KCNH8: variants seen among roughly 807,000 people sequenced by gnomAD.
KCNH8 encodes the protein potassium voltage-gated channel subfamily H member 8, also known as voltage-gated delayed rectifier potassium channel KCNH8.
KCNH8 carries 70 observed loss-of-function variants against 103.6 expected under a neutral mutation model. The ratio of observed to expected loss-of-function variants is 0.68; its 90% CI spans 0.56 to 0.82. KCNH8 has a LOEUF of 0.82. KCNH8 is among the 40% of genes least tolerant of loss of function. The pLI, the probability that KCNH8 is intolerant of heterozygous loss-of-function variation, is 0.00. For missense variants in KCNH8, 1,217 were observed against 1,329.9 expected, an observed-to-expected ratio of 0.92 and a Z score of 1.32; for synonymous variants, 498 against 489.4, an observed-to-expected ratio of 1.02 and a Z score of -0.23.
chr3:19,174,858 ATATTT>A (rs2063382469), intron 1 of KCNH8, among the ~76,000 whole-genome samples: 1 of 152,220 alleles, frequency 6.6e-6, no homozygotes, highest in African/African-American at 2.4e-5. Context: ...CAGAAAAGGA[ATATTT>A]GAGTCCATCC....
rs111725285 is a variant in KCNH8, at chr3:19,253,650, A to C, written c.77-4A>C. ...CTGAGTATCTTCTCCTTGTTTTTCTATAGATAGCAACTTCATCCTTGCCAA... is the reference window on the plus strand; with the variant it reads ...CTGAGTATCTTCTCCTTGTTTTTCTCTAGATAGCAACTTCATCCTTGCCAA... On this transcript the variant is annotated splice_polypyrimidine_tract_variant and splice_region_variant and intron_variant, in intron 1 of 15. Transcript: ENST00000328405. 3 of 1,604,916 alleles carry C rather than the reference A, an allele frequency of 1.9e-6. No homozygotes were observed. The East Asian group carries it at 6.7e-5, about 36-fold the overall frequency.
intron 11 of KCNH8, among the ~76,000 whole-genome samples, chr3:19,463,704 A>AAT (rs1241154366): frequency 6.6e-6 from 1 of 152,066 alleles, no homozygotes; most frequent in African/African-American, 2.4e-5. Context: ...AGTCCATTTA[A>AAT]ATATATATAC....
chr3:19,156,680 T>C (rs1428120472), intron 1 of KCNH8, among the ~76,000 whole-genome samples: 1 of 152,194 alleles, frequency 6.6e-6, no homozygotes, highest in Non-Finnish European at 1.5e-5. Flanking sequence ...ATTTGCTGAC[T>C]GTAGTACTCT....
intron 11 of KCNH8, among the ~76,000 whole-genome samples, chr3:19,504,211 G>A (rs891931688): frequency 2.0e-5 from 3 of 152,208 alleles, no homozygotes; most frequent in Middle Eastern, 3.4e-3. Flanking sequence ...TTAAAGACAT[G>A]TAAAACCCAC....
chr3:19,515,604 A>G (rs555541542), intron 14 of KCNH8, among the ~76,000 whole-genome samples, 176 bp downstream of exon 14: 1 of 151,896 alleles, frequency 6.6e-6, no homozygotes, highest in African/African-American at 2.4e-5. Context: ...CCAAGTTAAG[A>G]TGTCATTTGT....
At chr3:19,339,607 G>C (rs1053656586) in intron 3 of KCNH8, among the ~76,000 whole-genome samples, 1 of 152,026 alleles carries the variant, frequency 6.6e-6, no homozygotes, top group Non-Finnish European at 1.5e-5. Flanking sequence ...TGTCCTTTTT[G>C]ATATTATTCT....
At chr3:19,298,349 A>G (rs1232197782) in intron 3 of KCNH8, among the ~76,000 whole-genome samples, 2 of 152,232 alleles carry the variant, frequency 1.3e-5, no homozygotes, top group Non-Finnish European at 2.9e-5. Context: ...AAGCAGTGTC[A>G]TTCTTATAAC....
At chr3:19,529,745 T>C (rs1017236945) in intron 15 of KCNH8, among the ~76,000 whole-genome samples, 1 of 152,170 alleles carries the variant, frequency 6.6e-6, no homozygotes, top group Non-Finnish European at 1.5e-5. Flanking sequence ...CAGCTGGCTT[T>C]GCCATGGTAA....
intron 11 of KCNH8, among the ~76,000 whole-genome samples, chr3:19,485,697 G>T (rs566369581): frequency 6.6e-6 from 1 of 152,202 alleles, no homozygotes; most frequent in South Asian, 2.1e-4. Flanking sequence ...GGAGTAATGG[G>T]GCTGCTACCG....
intron 1 of KCNH8, among the ~76,000 whole-genome samples, chr3:19,188,921 C>T (rs1272295311): frequency 3.3e-5 from 5 of 151,874 alleles, no homozygotes; most frequent in African/African-American, 9.7e-5. Flanking sequence ...TGACTGCAGG[C>T]GTGCATCACT....
chr3:19,169,155 C>G (rs2063313373), intron 1 of KCNH8, among the ~76,000 whole-genome samples: 1 of 152,114 alleles, frequency 6.6e-6, no homozygotes, highest in African/African-American at 2.4e-5. Context: ...TGCTTTCCTT[C>G]CACTTGGATG....
rs1410162908 is a variant in KCNH8 at position 19,520,542 on chromosome 3, A to G, written c.2619+2468A>G. On this transcript the variant is annotated intron_variant, in intron 15 of 15. Coordinates refer to ENST00000328405, the MANE Select transcript of KCNH8 (RefSeq NM_144633.3). The stretch of plus-strand genomic sequence containing the variant: ...ATTTTTCTCTTCCTCATCTTTCTGT[A>G]AAGAGTTTATATAGAAAAAAAACTT... 2.6e-5 allele frequency among the ~76,000 whole-genome samples: 4 copies of G among 151,472 alleles called. 1 individual carries two copies. The highest frequency in any genetic ancestry group is 4.2e-4 in the South Asian group (2 of 4,794).
chr3:19,244,769 C>G (rs2064183431), intron 1 of KCNH8, among the ~76,000 whole-genome samples: 1 of 151,810 alleles, frequency 6.6e-6, no homozygotes. Context: ...TGCATGTCTT[C>G]TTTTGAGAAG....
At chr3:19,440,100 A>AGC (rs2067259374) in intron 8 of KCNH8, among the ~76,000 whole-genome samples, 1 of 152,188 alleles carries the variant, frequency 6.6e-6, no homozygotes, top group Non-Finnish European at 1.5e-5. Flanking sequence ...AAGGAGAACC[A>AGC]ACATATGTAT....
intron 8 of KCNH8, among the ~76,000 whole-genome samples, chr3:19,444,000 G>A (rs2067324230): frequency 6.6e-6 from 1 of 151,996 alleles, no homozygotes; most frequent in South Asian, 2.1e-4. Context: ...AAAAATTCCA[G>A]TAGATGTGTG....
intron 1 of KCNH8, among the ~76,000 whole-genome samples, chr3:19,197,463 C>T (rs948233027): frequency 2.6e-5 from 4 of 152,080 alleles, no homozygotes; most frequent in Admixed American, 1.3e-4. Context: ...TAAAAGTTAG[C>T]ACGTGTCTGT....
intron 7 of KCNH8, among the ~76,000 whole-genome samples, chr3:19,420,501 T>C (rs1179463937): frequency 6.6e-6 from 1 of 152,204 alleles, no homozygotes; most frequent in Non-Finnish European, 1.5e-5. Context: ...AATCATGTTT[T>C]AGTGCTAGCT....
At chr3:19,342,758 G>A in intron 4 of KCNH8, 44 bp downstream of exon 4, 1 of 1,538,170 alleles carries the variant, frequency 6.5e-7, no homozygotes, top group Non-Finnish European at 8.8e-7. Context: ...TGTTTCCCCT[G>A]GTGGCAATGT....
rs558775534 is a variant in KCNH8, at chr3:19,427,790, G to A, written c.1178-10374G>A. 1.1e-4 allele frequency among the ~76,000 whole-genome samples: 17 copies of A among 152,226 alleles called. No homozygotes were observed. In the South Asian group the frequency reaches 3.5e-3, roughly 32 times the overall value. ...GGGAAGTGTTCAGAAAAGTTTTCAT[G>A]ATCAATATAAAAATAATGCAAGGTC... On this transcript the variant is annotated intron_variant, in intron 7 of 15. Transcript: ENST00000328405.
Sources: allele counts gnomAD v4.1 joint callset (sites outside exome capture counted in the v4.1 genomes callset), GRCh38; gene constraint gnomAD v4.1.1; transcripts MANE v1.5; gene names NCBI Gene and HGNC (gene_info 2026-07-23, HGNC 2026-07-21).